Variants in CDH22 observed in about 807,000 individuals in gnomAD.
The protein encoded by CDH22 is cadherin 22.
Under a neutral mutation model 58.4 loss-of-function variants are expected in CDH22, and 30 were observed. The ratio of observed to expected loss-of-function variants is 0.51; its 90% confidence interval spans 0.38 to 0.70. The LOEUF (loss-of-function observed/expected upper bound fraction) is 0.70, where lower values mean the gene tolerates loss of function less well. Among genes scored for constraint, CDH22 ranks in the 30% least tolerant of loss-of-function variants. The probability of loss-of-function intolerance (pLI) is 0.00; values close to 1 mark genes in which losing one functional copy is unlikely to be tolerated. For synonymous variants in CDH22, 513 were observed against 558.2 expected (o/e 0.92, Z 1.14); for missense variants, 1,014 against 1,233.9 (o/e 0.82, Z 2.67).
intron 1 of CDH22, among the ~76,000 whole-genome samples, chr20:46,270,975 C>T (rs2086485290): frequency 6.6e-6 from 1 of 152,150 alleles, no homozygotes; most frequent in African/African-American, 2.4e-5. Context: ...CGTTGTGAAG[C>T]TTGAATAGTT....
chr20:46,246,395 G>A (rs138797589), intron 2 of CDH22, among the ~76,000 whole-genome samples: 231 of 152,248 alleles, frequency 1.5e-3, no homozygotes, highest in African/African-American at 5.4e-3. Context: ...ACAGGAGTTG[G>A]TCATGAGTGC....
chr20:46,244,833 G>T (rs1806051390), intron 2 of CDH22, among the ~76,000 whole-genome samples: 1 of 152,200 alleles, frequency 6.6e-6, no homozygotes, highest in Non-Finnish European at 1.5e-5. Flanking sequence ...ACAGTCATCG[G>T]TGGCCTCTTC....
chr20:46,215,561 C>A (rs2086077798), intron 5 of CDH22, among the ~76,000 whole-genome samples: 1 of 152,126 alleles, frequency 6.6e-6, no homozygotes. Flanking sequence ...CAGGAAAGGG[C>A]ATATTAGGGC....
chr20:46,186,821 G>T lies in CDH22; in HGVS notation c.1545+5C>A. ...AACGCCCAGTCCCCACCCCCTCAGG[G>T]GTACCTGGCCTGGCTTGGCATCCTC... On this transcript the variant is annotated splice_donor_5th_base_variant and intron_variant, in intron 9 of 11. Coordinates refer to ENST00000537909, the MANE Select transcript of CDH22 (RefSeq NM_021248.3). 1.9e-6 allele frequency: 3 copies of T among 1,600,552 alleles called. No homozygotes were observed. Among genetic ancestry groups the T allele is most frequent in the South Asian group, 2.3e-5 (2 of 88,546 alleles).
At chr20:46,248,596 G>A (rs1163821288) in intron 2 of CDH22, among the ~76,000 whole-genome samples, 1 of 152,174 alleles carries the variant, frequency 6.6e-6, no homozygotes, top group Non-Finnish European at 1.5e-5. Flanking sequence ...GCTGAGGCAG[G>A]TGGATCACTT....
intron 1 of CDH22, among the ~76,000 whole-genome samples, chr20:46,261,399 C>T (rs1486316728): frequency 2.6e-5 from 4 of 152,222 alleles, no homozygotes; most frequent in Non-Finnish European, 5.9e-5. Context: ...ATTTATTTAA[C>T]AACTGTGCTA....
chr20:46,232,191 A>T (rs1260967386), intron 3 of CDH22, among the ~76,000 whole-genome samples: 1 of 151,910 alleles, frequency 6.6e-6, no homozygotes, highest in East Asian at 1.9e-4. Flanking sequence ...AATCCTTGCT[A>T]TCTGTGAAGT....
chr20:46,246,470 A>G (rs1037356447), intron 2 of CDH22, among the ~76,000 whole-genome samples: 3 of 151,984 alleles, frequency 2.0e-5, no homozygotes, highest in African/African-American at 7.2e-5. Flanking sequence ...TCCAGCTGAC[A>G]GAGGCCTCGG....
chr20:46,244,797 G>C (rs902691115), intron 2 of CDH22, among the ~76,000 whole-genome samples: 1 of 152,188 alleles, frequency 6.6e-6, no homozygotes, highest in Non-Finnish European at 1.5e-5. Context: ...CTTGACACCA[G>C]TCTTTTGCCC....
At position 46,241,142 on chromosome 20, in the gene CDH22, C is replaced by A. The variant is rs757721071; in HGVS notation, c.371G>T (p.Arg124Leu). 6.2e-7 allele frequency: 1 copy of A among 1,613,952 alleles called. No homozygotes were observed. The highest frequency in any genetic ancestry group is 8.5e-7 in the Non-Finnish European group (1 of 1,180,010). The change falls in exon 3 of 12, where the codon CGC (arginine) becomes CTC (leucine). Residue 124 changes from arginine (R) to leucine (L), a missense_variant. Around this residue, in one of 2 missense-constraint regions of CDH22, gnomAD observed 806 missense variants for 1,038.7 expected, o/e 0.78. Transcript: ENST00000537909. This position sits in a 1 kb window ranked among gnomAD's most constrained non-coding sequence, Gnocchi z 5.2. ...ELTGDIHAME[R>L]LDREQKTFYT... is the part of the protein sequence containing the mutation. ...GAAGGTTTTCTGCTCGCGGTCCAGG[C>A]GCTCCATGGCATGAATGTCGCCTGT...
At position 46,241,920 on chromosome 20, in the gene CDH22, A is replaced by C. The variant is rs188995033; in HGVS notation, c.256-663T>G. Among the ~76,000 whole-genome samples the C allele has an allele frequency of 6.2e-4, 94 of 152,284 alleles. No homozygotes were observed. The East Asian group carries it at 0.011, about 18-fold the overall frequency. On this transcript the variant is annotated intron_variant, in intron 2 of 11. Transcript: ENST00000537909. The surrounding 1 kb of genome is among the most constrained non-coding windows in gnomAD (Gnocchi z 5.2). ...AGGCCTCAGACTTTGCATTTCTAAC[A>C]AACTTCCAGGCTGCTGGTCCATGAC...
intron 1 of CDH22, among the ~76,000 whole-genome samples, chr20:46,256,529 A>T (rs1237613634): frequency 6.6e-6 from 1 of 152,180 alleles, no homozygotes; most frequent in Admixed American, 6.5e-5. Context: ...AAGGAGGAAC[A>T]TCGGGGGTCT....
At chr20:46,231,913 GC>G (rs2086222775) in intron 3 of CDH22, among the ~76,000 whole-genome samples, 2 of 152,272 alleles carry the variant, frequency 1.3e-5, no homozygotes, top group South Asian at 4.1e-4. Flanking sequence ...CCTCTGAGCT[GC>G]TATGAGGATT....
At chr20:46,233,725 G>A (rs934810942) in intron 3 of CDH22, among the ~76,000 whole-genome samples, 2 of 152,168 alleles carry the variant, frequency 1.3e-5, no homozygotes, top group African/African-American at 2.4e-5. Flanking sequence ...CAGATTACCC[G>A]GGCCATGGGG....
At chr20:46,183,915 C>T (rs1224922805) in intron 10 of CDH22, among the ~76,000 whole-genome samples, 2 of 152,124 alleles carry the variant, frequency 1.3e-5, no homozygotes, top group Non-Finnish European at 2.9e-5. Context: ...ACACAGGTCT[C>T]CTCCATTCCT....
At chr20:46,262,549 T>C (rs376329319) in intron 1 of CDH22, among the ~76,000 whole-genome samples, 1 of 152,322 alleles carries the variant, frequency 6.6e-6, no homozygotes, top group South Asian at 2.1e-4. Context: ...CTAGCGTTCA[T>C]TCATTACTGT....
At position 46,174,932 on chromosome 20, in the gene CDH22, C is replaced by A. The variant is rs1310127802; in HGVS notation, c.2061G>T (p.Ala687=). 4 of 1,592,688 alleles carry A rather than the reference C, an allele frequency of 2.5e-6. No individual in the cohort carries two copies. In the Admixed American group the frequency reaches 6.8e-5, roughly 27 times the overall value. ...CGCCGAAGTCGTAGAGGCTCCGCAG[C>A]GCCGACATGTCGTAGGCTTCGGTGT... ...EQDTEAYDMS[A]LRSLYDFGEL... Residue 687 remains alanine (A), a synonymous_variant, in exon 12 of 12, where the codon GCG becomes GCT. Coordinates refer to ENST00000537909, the MANE Select transcript of CDH22 (RefSeq NM_021248.3). The surrounding 1 kb of genome is among the most constrained non-coding windows in gnomAD (Gnocchi z 4.4).
intron 1 of CDH22, among the ~76,000 whole-genome samples, chr20:46,279,305 A>C (rs2425848): frequency 1.3e-5 from 2 of 152,048 alleles, no homozygotes; most frequent in Admixed American, 1.3e-4. Context: ...GAGAAATATC[A>C]GCATGTGTAG....
At chr20:46,274,568 A>C (rs1182686339) in intron 1 of CDH22, among the ~76,000 whole-genome samples, 2 of 152,240 alleles carry the variant, frequency 1.3e-5, no homozygotes, top group African/African-American at 4.8e-5. Flanking sequence ...CAGCAGTTTC[A>C]TTCCTAGGTG....
Sources: gnomAD v4.1 joint callset for allele counts (sites outside exome capture counted in the v4.1 genomes callset) on GRCh38, gnomAD v4.1.1 for gene constraint, gnomAD v4.1.1 regional missense constraint, Gnocchi (gnomAD v3.1) non-coding constraint, MANE v1.5 for transcripts, NCBI Gene and HGNC (gene_info 2026-07-23, HGNC 2026-07-21) for gene names.